Variants in ANKRD11 observed in about 807,000 individuals in gnomAD.
The protein encoded by ANKRD11 is ankyrin repeat domain-containing protein 11.
In ANKRD11, 17 loss-of-function variants were observed where a neutral mutation model predicts 195.7. The ratio of observed to expected loss-of-function variants is 0.09; its 90% CI spans 0.06 to 0.13. ANKRD11 has a LOEUF of 0.13. Among genes scored for constraint, ANKRD11 ranks in the 10% least tolerant of loss-of-function variants. The pLI is 1.00. For missense variants in ANKRD11, 3,735 were observed against 3,566.1 expected (o/e 1.05, Z -1.21); for synonymous variants, 1,953 against 1,528.1 (o/e 1.28, Z -6.49).
intron 1 of ANKRD11, among the ~76,000 whole-genome samples, chr16:89,479,369 A>G (rs1046641761): frequency 3.3e-5 from 5 of 152,162 alleles, no homozygotes; most frequent in Non-Finnish European, 5.9e-5. Flanking sequence ...GCAGTGGCTC[A>G]CACCTGCAAT....
At chr16:89,367,169 G>A (rs957954871) in intron 2 of ANKRD11, among the ~76,000 whole-genome samples, 7 of 152,170 alleles carry the variant, frequency 4.6e-5, no homozygotes, top group Non-Finnish European at 5.9e-5. Context: ...AGGCACCTCA[G>A]GGGGACAGTC....
chr16:89,409,053 G>C (rs1429836779), intron 2 of ANKRD11, among the ~76,000 whole-genome samples: 2 of 152,202 alleles, frequency 1.3e-5, no homozygotes, highest in African/African-American at 4.8e-5. Context: ...ATTCAGAAAA[G>C]CCACCTGCAC....
intron 1 of ANKRD11, among the ~76,000 whole-genome samples, chr16:89,430,635 C>A (rs184863615): frequency 2.0e-5 from 3 of 152,234 alleles, no homozygotes; most frequent in Non-Finnish European, 4.4e-5. Flanking sequence ...GGTCAACAAA[C>A]GCCCCTTGGA....
intron 2 of ANKRD11, chr16:89,320,025 C>G (rs1395625905): frequency 6.6e-6 from 1 of 152,366 alleles, no homozygotes. Flanking sequence ...AACCGTTACT[C>G]AGCCGTGTCA....
intron 1 of ANKRD11, among the ~76,000 whole-genome samples, chr16:89,475,860 G>A (rs141465823): frequency 3.9e-5 from 6 of 152,146 alleles, no homozygotes; most frequent in African/African-American, 1.2e-4. Flanking sequence ...GACCAGCCTG[G>A]CCAACATGGT....
At chr16:89,418,914 C>A (rs891132316) in intron 1 of ANKRD11, among the ~76,000 whole-genome samples, 1 of 151,888 alleles carries the variant, frequency 6.6e-6, no homozygotes, top group Admixed American at 6.6e-5. Context: ...GGATTACAGG[C>A]GCTCGCCACC....
chr16:89,467,718 T>C (rs1480803777), intron 1 of ANKRD11, among the ~76,000 whole-genome samples: 1 of 152,120 alleles, frequency 6.6e-6, no homozygotes, highest in Admixed American at 6.6e-5. Context: ...CTGTTGTGAA[T>C]CTAATCAAGA....
In ANKRD11 at chr16:89,283,248, G is replaced by A. The variant is rs533797195; in HGVS notation, c.3294C>T (p.Asp1098=). Residue 1098 remains aspartate (D), a synonymous_variant, in exon 9 of 13, where the codon GAC becomes GAT. Coordinates refer to ENST00000301030, the MANE Select transcript of ANKRD11 (RefSeq NM_013275.6). This position sits in a 1 kb window ranked among gnomAD's most constrained non-coding sequence, Gnocchi z 4.3. The part of the protein sequence containing the change: ...EKAFPGIISE[D]FSEKKDDKKG... ...TCTTGTCATCTTTTTTTTCAGAGAAGTCTTCTGAGATGATCCCAGGGAAAG... is the reference window on the plus strand; with the variant it reads ...TCTTGTCATCTTTTTTTTCAGAGAAATCTTCTGAGATGATCCCAGGGAAAG... 4.3e-6 allele frequency: 7 copies of A among 1,614,114 alleles called. No individual in the cohort carries two copies. The highest frequency in any genetic ancestry group is 1.1e-5 in the South Asian group (1 of 91,076).
intron 1 of ANKRD11, among the ~76,000 whole-genome samples, chr16:89,441,247 A>C (rs891068863): frequency 6.6e-6 from 1 of 152,046 alleles, no homozygotes; most frequent in East Asian, 1.9e-4. Flanking sequence ...AAAAAAAAAA[A>C]GTTTCCTCGC....
chr16:89,299,939 C>T (rs1377445313), intron 4 of ANKRD11: 24 of 180,146 alleles, frequency 1.3e-4, no homozygotes, highest in African/African-American at 3.3e-4. Context: ...GTGTGTGGTG[C>T]ATGGGGTCTG....
At chr16:89,355,249 C>T (rs150290103) in intron 2 of ANKRD11, among the ~76,000 whole-genome samples, 219 of 150,212 alleles carry the variant, frequency 1.5e-3, no homozygotes, top group Admixed American at 5.0e-3. Flanking sequence ...GGGCTCACAC[C>T]CTGAGGCTCG....
At chr16:89,395,465 G>T (rs896194602) in intron 2 of ANKRD11, among the ~76,000 whole-genome samples, 2 of 152,358 alleles carry the variant, frequency 1.3e-5, no homozygotes, top group Middle Eastern at 3.4e-3. Flanking sequence ...GCTGGGACAC[G>T]TGCTGCTTCT....
In ANKRD11 at chr16:89,282,374, C is replaced by A. The variant is rs201207422; in HGVS notation, c.4168G>T (p.Gly1390Cys). The change falls in exon 9 of 13, where the codon GGC (glycine) becomes TGC (cysteine). Residue 1390 changes from glycine (G) to cysteine (C), a missense_variant. By Grantham distance (159) the Gly-to-Cys change is radical (BLOSUM62 -3). Transcript: ENST00000301030. ...YKEGGSRKDSGQYEKDFLEAD... is the reference protein window; with the variant it reads ...YKEGGSRKDSCQYEKDFLEAD... ...TCCAGGAAGTCCTTTTCGTACTGGC[C>A]GGAGTCCTTCCTGCTACCGCCCTCC... 15 of 1,614,080 alleles carry A rather than the reference C, an allele frequency of 9.3e-6. No homozygotes were observed. The highest frequency in any genetic ancestry group is 3.3e-5 in the Admixed American group (2 of 60,008).
chr16:89,339,039 G>A (rs1401605662), intron 2 of ANKRD11, among the ~76,000 whole-genome samples: 2 of 152,098 alleles, frequency 1.3e-5, no homozygotes, highest in Admixed American at 6.6e-5. Flanking sequence ...CCATCTGCTC[G>A]TGACCTGAGT....
intron 1 of ANKRD11, among the ~76,000 whole-genome samples, chr16:89,481,935 T>A (rs1190727689): frequency 6.6e-6 from 1 of 151,066 alleles, no homozygotes; most frequent in African/African-American, 2.4e-5. Context: ...AAAAAAAAAA[T>A]AGCACTTCTT....
chr16:89,482,539 C>A (rs1420990172), intron 1 of ANKRD11, among the ~76,000 whole-genome samples: 1 of 152,126 alleles, frequency 6.6e-6, no homozygotes, highest in Non-Finnish European at 1.5e-5. Context: ...CCTTAGGTTA[C>A]GTGGAAAAGG....
rs771309106 is a variant in ANKRD11, at chr16:89,281,162, C to A, written c.5380G>T (p.Asp1794Tyr). The A allele has an allele frequency of 6.2e-7, 1 of 1,614,106 alleles. No individual in the cohort carries two copies. Among genetic ancestry groups the A allele is most frequent in the Admixed American group, 1.7e-5 (1 of 60,024 alleles). The change falls in exon 9 of 13, where the codon GAC becomes TAC. Residue 1794 changes from aspartate (D) to tyrosine (Y), a missense_variant. Physicochemically the swap from Asp to Tyr is radical, Grantham distance 160 (BLOSUM62 -3). Coordinates refer to ENST00000301030, the MANE Select transcript of ANKRD11 (RefSeq NM_013275.6). This position sits in a 1 kb window ranked among gnomAD's most constrained non-coding sequence, Gnocchi z 5.5. ...TCTTCCTCGGGGGTCCTCCTAATGTCGACAGAGACCGAGCGGTAAAGGTTT... is the reference window on the plus strand; with the variant it reads ...TCTTCCTCGGGGGTCCTCCTAATGTAGACAGAGACCGAGCGGTAAAGGTTT... Reference protein sequence around the residue: ...STNLYRSVSVDIRRTPEEEFS... With the variant: ...STNLYRSVSVYIRRTPEEEFS...
intron 2 of ANKRD11, among the ~76,000 whole-genome samples, chr16:89,337,291 C>G (rs1457980920): frequency 6.6e-6 from 1 of 151,942 alleles, no homozygotes; most frequent in Non-Finnish European, 1.5e-5. Flanking sequence ...AAGGAGAGGA[C>G]TTCAGGTGGC....
At chr16:89,272,284 C>T (rs981530380) in intron 11 of ANKRD11, 4 of 152,198 alleles carry the variant, frequency 2.6e-5, no homozygotes, top group Admixed American at 6.5e-5. Flanking sequence ...AACCCTCGTA[C>T]CCCGTTGGTG....
Sources: allele counts gnomAD v4.1 joint callset (sites outside exome capture counted in the v4.1 genomes callset), GRCh38; gene constraint gnomAD v4.1.1; non-coding constraint Gnocchi (gnomAD v3.1); transcripts MANE v1.5; gene names NCBI Gene and HGNC (gene_info 2026-07-23, HGNC 2026-07-21).